Variants in AGO2 observed in about 807,000 individuals in gnomAD.
AGO2 encodes argonaute RISC catalytic component 2.
Under a neutral mutation model 102.3 loss-of-function variants are expected in AGO2, and 5 were observed. That is an observed-to-expected ratio of 0.05 (90% CI 0.03 to 0.10). The LOEUF (loss-of-function observed/expected upper bound fraction) is 0.10, where lower values mean the gene tolerates loss of function less well. Among genes scored for constraint, AGO2 ranks in the 10% least tolerant of loss-of-function variants. The pLI is 1.00. For synonymous variants in AGO2, 449 were observed against 473.1 expected (o/e 0.95, Z 0.66); for missense variants, 541 against 1,183.7 (o/e 0.46, Z 7.97).
At chr8:140,634,471 C>G (rs964192879) in intron 1 of AGO2, among the ~76,000 whole-genome samples, 1 of 152,216 alleles carries the variant, frequency 6.6e-6, no homozygotes, top group African/African-American at 2.4e-5. Context: ...GGCGGTGCCC[C>G]GTCCCAGCGG....
intron 1 of AGO2, among the ~76,000 whole-genome samples, chr8:140,603,334 A>G (rs970207611): frequency 1.3e-5 from 2 of 152,208 alleles, no homozygotes; most frequent in African/African-American, 2.4e-5. Flanking sequence ...TAAGTGTGCA[A>G]GGGAGGAGGG....
chr8:140,596,475 C>T (rs187387334), intron 1 of AGO2, among the ~76,000 whole-genome samples: 130 of 152,270 alleles, frequency 8.5e-4, no homozygotes, highest in African/African-American at 3.0e-3. Context: ...TCCAGCTACT[C>T]GGGAGGCTGA....
intron 2 of AGO2, among the ~76,000 whole-genome samples, chr8:140,575,200 C>T (rs1213302033): frequency 6.6e-6 from 1 of 152,130 alleles, no homozygotes; most frequent in Non-Finnish European, 1.5e-5. Flanking sequence ...GGCATCCATC[C>T]CTGCCATGCC....
At chr8:140,538,413 G>A (rs904536302) in intron 16 of AGO2, among the ~76,000 whole-genome samples, 5 of 152,226 alleles carry the variant, frequency 3.3e-5, no homozygotes, top group East Asian at 1.9e-4. Context: ...GTAGGACAAC[G>A]TGGACAGGTG....
At chr8:140,537,613 T>TC (rs1001578666) in intron 16 of AGO2, among the ~76,000 whole-genome samples, 45 of 151,142 alleles carry the variant, frequency 3.0e-4, no homozygotes, top group African/African-American at 1.1e-3. Context: ...CAATTTTTTT[T>TC]CCTTAGTTTT....
intron 3 of AGO2, among the ~76,000 whole-genome samples, chr8:140,566,956 C>G (rs1010665870): frequency 1.3e-5 from 2 of 152,328 alleles, no homozygotes; most frequent in Admixed American, 1.3e-4. Flanking sequence ...ATTTCCAGCT[C>G]ACACACGCCC....
chr8:140,638,551 A>G (rs558439116), upstream of AGO2, among the ~76,000 whole-genome samples: 17 of 152,334 alleles, frequency 1.1e-4, no homozygotes, highest in African/African-American at 4.1e-4. Flanking sequence ...GAGGTCTTCT[A>G]TGATCCCTTC....
intron 1 of AGO2, among the ~76,000 whole-genome samples, chr8:140,591,463 C>T: frequency 6.6e-6 from 1 of 152,214 alleles, no homozygotes; most frequent in Non-Finnish European, 1.5e-5. Flanking sequence ...ACTTGCTCCC[C>T]TCTTTTGGTT....
In AGO2 at chr8:140,550,178, TG is replaced by T. The variant is rs1241911531; in HGVS notation, c.1404-881del. On this transcript the variant is annotated intron_variant, in intron 11 of 18. Coordinates refer to ENST00000220592, the MANE Select transcript of AGO2 (RefSeq NM_012154.5). ...CTCTGCCAGCAGTGTGGACACAAGG[TG>T]GCCTCAGAAGGACAGATGGCCACTC... is the stretch of plus-strand genomic sequence containing the variant. Among the ~76,000 whole-genome samples the T allele has an allele frequency of 1.1e-4, 16 of 152,194 alleles. No individual in the cohort carries two copies. In the East Asian group the frequency reaches 3.1e-3, roughly 29 times the overall value.
chr8:140,526,732 A>T lies in AGO2; in HGVS notation c.*5312T>A, dbSNP rs950928765. 6.6e-6 allele frequency: 1 copy of T among 152,168 alleles called. No individual in the cohort carries two copies. Among genetic ancestry groups the T allele is most frequent in the Non-Finnish European group, 1.5e-5 (1 of 68,048 alleles). The allele number at this position is 152,168 out of a possible 1,614,324, so 9.4% of individuals were successfully genotyped here. A position where few individuals can be genotyped will look rare whatever the true frequency, so the allele number is the denominator to read the frequency against. On this transcript the variant is annotated 3_prime_UTR_variant, in exon 19 of 19. Coordinates refer to ENST00000220592, the MANE Select transcript of AGO2 (RefSeq NM_012154.5). The surrounding 1 kb of genome is among the most constrained non-coding windows in gnomAD (Gnocchi z 5.2). ...TTGGCTAAGCCAATACATTCACTTT[A>T]GACAATAACATGGCAAAACATACTG...
chr8:140,534,693 A>T (rs1272240535), intron 17 of AGO2, among the ~76,000 whole-genome samples: 1 of 152,068 alleles, frequency 6.6e-6, no homozygotes, highest in Non-Finnish European at 1.5e-5. Flanking sequence ...AAATCCTCAA[A>T]CTCTAGGGTT....
At chr8:140,596,087 G>A (rs1350148230) in intron 1 of AGO2, among the ~76,000 whole-genome samples, 2 of 147,648 alleles carry the variant, frequency 1.4e-5, no homozygotes, top group African/African-American at 2.5e-5. Flanking sequence ...GGGTTCAAGC[G>A]ATCCTCCTGC....
chr8:140,539,510 CG>C lies in AGO2; in HGVS notation c.2035-57del, dbSNP rs2072757576. 15 of 1,560,208 alleles carry C rather than the reference CG, an allele frequency of 9.6e-6. No individual in the cohort carries two copies. The highest frequency in any genetic ancestry group is 1.3e-5 in the Non-Finnish European group (15 of 1,147,688). Reference sequence around the variant, plus strand: ...TAAAGATGGTAGTGCATGTGAGCAACGGTCCCACGTGCGGGTTCTGGGTTGA... The same window carrying C: ...TAAAGATGGTAGTGCATGTGAGCAACGTCCCACGTGCGGGTTCTGGGTTGA... On this transcript the variant is annotated intron_variant, in intron 15 of 18. Coordinates refer to ENST00000220592, the MANE Select transcript of AGO2 (RefSeq NM_012154.5). The surrounding 1 kb of genome is among the most constrained non-coding windows in gnomAD (Gnocchi z 4.7).
At chr8:140,597,143 T>C (rs755209944) in intron 1 of AGO2, among the ~76,000 whole-genome samples, 46 of 152,252 alleles carry the variant, frequency 3.0e-4, no homozygotes, top group Non-Finnish European at 6.0e-4. Flanking sequence ...GTTTCGTTCA[T>C]TTATAACCAC....
At chr8:140,573,812 G>A (rs752242673) in intron 2 of AGO2, among the ~76,000 whole-genome samples, 3 of 152,248 alleles carry the variant, frequency 2.0e-5, no homozygotes, top group Non-Finnish European at 4.4e-5. Context: ...CAGCTCGGCT[G>A]TGGGCCTTGC....
intron 3 of AGO2, among the ~76,000 whole-genome samples, chr8:140,570,481 C>T (rs1013716361): frequency 1.3e-5 from 2 of 152,118 alleles, no homozygotes; most frequent in Non-Finnish European, 2.9e-5. Context: ...CCGCCTGCCT[C>T]GGCCTCCCAA....
At chr8:140,535,740 C>T (rs893772437) in intron 16 of AGO2, among the ~76,000 whole-genome samples, 171 bp from the exon 17 acceptor site, 2 of 152,216 alleles carry the variant, frequency 1.3e-5, no homozygotes, top group East Asian at 3.8e-4. Flanking sequence ...CAACTGCTGA[C>T]CACCAGGTTA....
At chr8:140,590,030 C>T (rs189322118) in intron 1 of AGO2, among the ~76,000 whole-genome samples, 5 of 152,316 alleles carry the variant, frequency 3.3e-5, no homozygotes, top group African/African-American at 4.8e-5. Context: ...GGAATGCAGT[C>T]GGAACATCTG....
At chr8:140,574,390 C>T (rs1019245777) in intron 2 of AGO2, among the ~76,000 whole-genome samples, 8 of 152,182 alleles carry the variant, frequency 5.3e-5, no homozygotes, top group South Asian at 2.1e-4. Context: ...GCCTCCCAAG[C>T]GGCCGGAACT....
Sources: gnomAD v4.1 joint callset for allele counts (sites outside exome capture counted in the v4.1 genomes callset) on GRCh38, gnomAD v4.1.1 for gene constraint, Gnocchi (gnomAD v3.1) non-coding constraint, MANE v1.5 for transcripts, NCBI Gene and HGNC (gene_info 2026-07-23, HGNC 2026-07-21) for gene names.